CDH2: variants seen among roughly 807,000 people sequenced by gnomAD.
CDH2 encodes the protein cadherin 2.
A neutral mutation model predicts 92.0 loss-of-function variants in CDH2; 17 were observed. The observed-to-expected ratio is 0.18, with a 90% CI of 0.13 to 0.28. The LOEUF is 0.28. CDH2 is among the 10% of genes least tolerant of loss of function. CDH2 has a pLI of 1.00. For synonymous variants in CDH2, 419 were observed against 415.9 expected (o/e 1.01, Z -0.09); for missense variants, 862 against 1,133.1 (o/e 0.76, Z 3.44).
intron 7 of CDH2, among the ~76,000 whole-genome samples, chr18:27,997,267 C>T (rs1356449575): frequency 6.6e-6 from 1 of 152,202 alleles, no homozygotes; most frequent in African/African-American, 2.4e-5. Flanking sequence ...TGAGAACATT[C>T]AGTCATTCAT....
At chr18:27,961,835 C>T (rs2011412668) in intron 15 of CDH2, among the ~76,000 whole-genome samples, 2 of 152,018 alleles carry the variant, frequency 1.3e-5, no homozygotes, top group South Asian at 4.1e-4. Flanking sequence ...CACAGTGGCT[C>T]AGGCCTGTAA....
At chr18:28,072,286 A>G (rs1381596566) in intron 2 of CDH2, among the ~76,000 whole-genome samples, 3 of 152,048 alleles carry the variant, frequency 2.0e-5, no homozygotes, top group Admixed American at 2.0e-4. Context: ...CCTGTCCACA[A>G]CACTAGCCTT....
intron 2 of CDH2, among the ~76,000 whole-genome samples, chr18:28,022,419 A>C (rs1307138460): frequency 6.6e-6 from 1 of 152,110 alleles, no homozygotes; most frequent in African/African-American, 2.4e-5. Flanking sequence ...ATATTTTTTA[A>C]ATCTTTAATG....
intron 2 of CDH2, among the ~76,000 whole-genome samples, chr18:28,136,192 A>G (rs931123209): frequency 1.3e-5 from 2 of 152,210 alleles, no homozygotes; most frequent in Non-Finnish European, 2.9e-5. Context: ...GTTGCTAACT[A>G]AAGTCAAGAA....
chr18:27,995,305 C>A (rs1483022863), intron 7 of CDH2, among the ~76,000 whole-genome samples: 1 of 116,840 alleles, frequency 8.6e-6, no homozygotes, highest in East Asian at 2.7e-4. Flanking sequence ...CAGAATGAGA[C>A]TCCATCTCAA....
At chr18:27,960,049 A>AC (rs773010323) in intron 15 of CDH2, among the ~76,000 whole-genome samples, 6 of 63,232 alleles carry the variant, frequency 9.5e-5, no homozygotes, top group African/African-American at 2.9e-4. Flanking sequence ...CACACACACA[A>AC]ACACACACTC....
chr18:28,111,748 G>A (rs577604797), intron 2 of CDH2, among the ~76,000 whole-genome samples: 32 of 152,170 alleles, frequency 2.1e-4, no homozygotes, highest in African/African-American at 7.5e-4. Flanking sequence ...TTTAAACCCA[G>A]TATACTAATA....
At chr18:28,173,400 C>T (rs1023094223) in intron 1 of CDH2, among the ~76,000 whole-genome samples, 1 of 152,104 alleles carries the variant, frequency 6.6e-6, no homozygotes, top group Non-Finnish European at 1.5e-5. Context: ...TTCTTATTTT[C>T]ACAAGAACTT....
At chr18:28,027,244 A>T (rs572117659) in intron 2 of CDH2, among the ~76,000 whole-genome samples, 19 of 152,244 alleles carry the variant, frequency 1.2e-4, no homozygotes, top group Middle Eastern at 3.4e-3. Flanking sequence ...CTACAACAAG[A>T]CAGTAAAATT....
In CDH2 at chr18:27,992,845, G is replaced by A. The variant is rs2012465210; in HGVS notation, c.1159-5C>T. ...CTCAGGAACTTCACCATAAAACTGC[G>A]AGAAAGACAAACCTCAGTCAGAGGA... On this transcript the variant is annotated splice_region_variant and splice_polypyrimidine_tract_variant and intron_variant, in intron 8 of 15. Transcript: ENST00000269141. 9.9e-6 allele frequency: 16 copies of A among 1,610,410 alleles called. No homozygotes were observed. The highest frequency in any genetic ancestry group is 5.5e-5 in the South Asian group (5 of 90,546).
At chr18:27,947,858 C>G (rs1909314671), downstream of CDH2, among the ~76,000 whole-genome samples, 1 of 151,712 alleles carries the variant, frequency 6.6e-6, no homozygotes, top group African/African-American at 2.4e-5. Flanking sequence ...GTAAAGAATG[C>G]ATTCCACATG....
intron 6 of CDH2, among the ~76,000 whole-genome samples, chr18:28,004,636 A>C (rs1035259385): frequency 2.6e-5 from 4 of 152,180 alleles, no homozygotes; most frequent in Admixed American, 6.5e-5. Flanking sequence ...AATATAAAAA[A>C]ATTTCCACAG....
chr18:27,982,906 C>G (rs2012103541), intron 14 of CDH2, 38 bp downstream of exon 14: 1 of 1,421,226 alleles, frequency 7.0e-7, no homozygotes, highest in Non-Finnish European at 9.5e-7. Flanking sequence ...TTTATACGAT[C>G]ATAAAATTTA....
rs201695474 is a variant in CDH2, at chr18:28,003,125, T to C, written c.892A>G (p.Asn298Asp). The C allele has an allele frequency of 5.6e-6, 9 of 1,613,852 alleles. No homozygotes were observed. Among genetic ancestry groups the C allele is most frequent in the Admixed American group, 1.7e-5 (1 of 59,982 alleles). ...TVTAIDADDP[N>D]ALNGMLRYRI... ...TACCTCAACATCCCATTGAGGGCAT[T>C]GGGATCGTCAGCATCAATTGCTGTT... The change falls in exon 7 of 16, where the codon AAT (asparagine) becomes GAT (aspartate). Residue 298 changes from asparagine (N) to aspartate (D), a missense_variant. Asn to Asp is a conservative substitution (Grantham distance 23). This residue lies in a region of CDH2 where 564 missense variants were observed against 722.2 expected (regional missense o/e 0.78). Coordinates refer to ENST00000269141, the MANE Select transcript of CDH2 (RefSeq NM_001792.5).
At chr18:28,113,865 C>T (rs896498518) in intron 2 of CDH2, among the ~76,000 whole-genome samples, 1 of 151,984 alleles carries the variant, frequency 6.6e-6, no homozygotes, top group African/African-American at 2.4e-5. Context: ...ATACAAACTC[C>T]CAAGAGGCAC....
At chr18:27,942,933 A>T (rs907725294) in intron 6 of CDH2, among the ~76,000 whole-genome samples, 2 of 152,122 alleles carry the variant, frequency 1.3e-5, no homozygotes, top group African/African-American at 2.4e-5. Context: ...CAAGGAACTT[A>T]GTGAGTATAA....
intron 2 of CDH2, among the ~76,000 whole-genome samples, chr18:28,075,080 A>G (rs1365528548): frequency 2.6e-5 from 4 of 152,114 alleles, no homozygotes; most frequent in Admixed American, 2.6e-4. Flanking sequence ...CACTCATTCT[A>G]TAGTTTTGTT....
chr18:27,967,968 G>T (rs1384288431), intron 14 of CDH2, among the ~76,000 whole-genome samples: 1 of 152,162 alleles, frequency 6.6e-6, no homozygotes, highest in Non-Finnish European at 1.5e-5. Flanking sequence ...ATTGCATGTA[G>T]AATCTACAGA....
chr18:28,103,308 A>G (rs1280071475), intron 2 of CDH2, among the ~76,000 whole-genome samples: 1 of 143,880 alleles, frequency 7.0e-6, no homozygotes, highest in Non-Finnish European at 1.5e-5. Flanking sequence ...CTTTATATAT[A>G]TATAAAGTAT....
Sources: allele counts gnomAD v4.1 joint callset (sites outside exome capture counted in the v4.1 genomes callset), GRCh38; gene constraint gnomAD v4.1.1; regional missense constraint gnomAD v4.1.1; transcripts MANE v1.5; gene names NCBI Gene and HGNC (gene_info 2026-07-23, HGNC 2026-07-21).